DTNA: variants seen among roughly 807,000 people sequenced by gnomAD.
DTNA encodes the protein dystrobrevin alpha.
Under a neutral mutation model 100.7 loss-of-function variants are expected in DTNA, and 43 were observed. The observed-to-expected ratio is 0.43, with a 90% CI of 0.33 to 0.55. DTNA has a LOEUF of 0.55. Ranked by LOEUF, DTNA falls within the 20% of genes least tolerant of loss-of-function variation. The probability of loss-of-function intolerance (pLI) is 0.04; values close to 1 mark genes in which losing one functional copy is unlikely to be tolerated. For synonymous variants in DTNA, 349 were observed against 347.9 expected (o/e 1.00, Z -0.04); for missense variants, 798 against 953.9 (o/e 0.84, Z 2.15).
intron 3 of DTNA, among the ~76,000 whole-genome samples, chr18:34,772,355 A>G (rs2093819101): frequency 6.6e-6 from 1 of 152,144 alleles, no homozygotes; most frequent in African/African-American, 2.4e-5. Context: ...TTTCTATGTT[A>G]CTGTCTCTAA....
intron 17 of DTNA, chr18:34,868,154 CAAAAAAA>C: frequency 5.7e-6 from 1 of 175,764 alleles, no homozygotes; most frequent in Non-Finnish European, 8.2e-6. Context: ...GGCAATGAAG[CAAAAAAA>C]AAAAAAAAAG....
At chr18:34,650,766 C>T (rs1599601593) in intron 1 of DTNA, among the ~76,000 whole-genome samples, 1 of 152,124 alleles carries the variant, frequency 6.6e-6, no homozygotes, top group Non-Finnish European at 1.5e-5. Flanking sequence ...GCTAAAACCA[C>T]ACTTTTTCTA....
In DTNA at chr18:34,829,417, G is replaced by A. The variant is rs935472544; in HGVS notation, c.1103G>A (p.Ser368Asn). The change falls in exon 11 of 23, where the codon AGT becomes AAT. Residue 368 changes from serine (S) to asparagine (N), a missense_variant. By Grantham distance (46) the Ser-to-Asn change is conservative. Coordinates refer to ENST00000444659, the MANE Select transcript of DTNA (RefSeq NM_001386795.1). ...TCCCTCAGGTTACCTGAGGGAATAAGTGCATCCAGCCCTGTGGCTGAAGAG... is the reference window on the plus strand; with the variant it reads ...TCCCTCAGGTTACCTGAGGGAATAAATGCATCCAGCCCTGTGGCTGAAGAG... Reference protein sequence around the residue: ...FITRRLPEGISASSPVAEEHS... With the variant: ...FITRRLPEGINASSPVAEEHS... 4 of 1,535,028 alleles carry A rather than the reference G, an allele frequency of 2.6e-6. No homozygotes were observed. The highest frequency in any genetic ancestry group is 3.4e-4 in the Middle Eastern group (2 of 5,968).
intron 1 of DTNA, among the ~76,000 whole-genome samples, chr18:34,526,207 CAAATG>C (rs1201690990): frequency 6.6e-6 from 1 of 152,108 alleles, no homozygotes; most frequent in Non-Finnish European, 1.5e-5. Flanking sequence ...TTGTTTCACT[CAAATG>C]AAGTGGGAGA....
At chr18:34,501,316 T>A (rs767313659) in intron 1 of DTNA, among the ~76,000 whole-genome samples, 23 of 152,262 alleles carry the variant, frequency 1.5e-4, no homozygotes, top group Non-Finnish European at 2.8e-4. Context: ...AAACTCCATT[T>A]ATTCATTATG....
At chr18:34,671,726 A>G (rs2076781351) in intron 1 of DTNA, among the ~76,000 whole-genome samples, 1 of 152,120 alleles carries the variant, frequency 6.6e-6, no homozygotes, top group Admixed American at 6.5e-5. Context: ...ATCTAGTTTT[A>G]TAAGGTTTTA....
chr18:34,805,130 T>C (rs2095327861), intron 4 of DTNA, among the ~76,000 whole-genome samples: 1 of 152,336 alleles, frequency 6.6e-6, no homozygotes, highest in Middle Eastern at 3.4e-3. Flanking sequence ...ATTACTAATA[T>C]GATACAGTTT....
rs982093112 is a variant in DTNA at position 34,890,242 on chromosome 18, T to C, written c.*2508T>C. The C allele has an allele frequency of 1.5e-5, 23 of 1,510,304 alleles. 1 individual carries two copies. In the South Asian group the frequency reaches 2.9e-4, roughly 19 times the overall value. The allele number at this position is 1,510,304 out of a possible 1,614,324, so 93.6% of individuals were successfully genotyped here. A position where few individuals can be genotyped will look rare whatever the true frequency, so the allele number is the denominator to read the frequency against. ...TCATATAAAGCCATTGCAAGGACTC[T>C]GGAAACTGCCGCCAATGACCAATTT... On this transcript the variant is annotated 3_prime_UTR_variant, in exon 23 of 23. Transcript: ENST00000444659.
chr18:34,802,609 A>G (rs985754021), intron 4 of DTNA, among the ~76,000 whole-genome samples: 5 of 152,346 alleles, frequency 3.3e-5, no homozygotes, highest in African/African-American at 1.2e-4. Context: ...TGCTCAAAAT[A>G]TGGGCTGATA....
At chr18:34,774,610 G>C (rs549766331) in intron 3 of DTNA, among the ~76,000 whole-genome samples, 8 of 152,176 alleles carry the variant, frequency 5.3e-5, no homozygotes, top group Non-Finnish European at 1.0e-4. Context: ...GTACAAAGTG[G>C]ACCATTCAGA....
intron 17 of DTNA, 76 bp downstream of exon 17, chr18:34,864,138 T>A: frequency 7.5e-7 from 1 of 1,333,338 alleles, no homozygotes; most frequent in Non-Finnish European, 1.0e-6. Context: ...TAATGTGCAA[T>A]GGTTTTTCCA....
Position 34,890,276 on chromosome 18 carries a change from C to T in DTNA, c.*2542C>T. The T allele has an allele frequency of 6.5e-7, 1 of 1,528,712 alleles. No individual in the cohort carries two copies. Among genetic ancestry groups the T allele is most frequent in the East Asian group, 2.4e-5 (1 of 40,818 alleles). 94.7% of individuals were successfully genotyped at this position (1,528,712 alleles called of 1,614,324 possible). A position where few individuals can be genotyped will look rare whatever the true frequency, so the allele number is the denominator to read the frequency against. ...CCGCCAATGACCAATTTCTGACTAA[C>T]CAGCCACCTTTTCTCTCTCTTAGCT... On this transcript the variant is annotated 3_prime_UTR_variant, in exon 23 of 23. Transcript: ENST00000444659.
intron 1 of DTNA, among the ~76,000 whole-genome samples, chr18:34,516,215 T>C (rs990308372): frequency 6.6e-6 from 1 of 152,142 alleles, no homozygotes; most frequent in African/African-American, 2.4e-5. Context: ...GGTTCCATGA[T>C]GCCCCTCAAA....
At chr18:34,803,337 G>A (rs188260938) in intron 4 of DTNA, among the ~76,000 whole-genome samples, 115 of 151,738 alleles carry the variant, frequency 7.6e-4, no homozygotes, top group South Asian at 6.0e-3. Context: ...AACCACTGTT[G>A]GATCTAGTAT....
At chr18:34,619,556 A>G (rs2056039235) in intron 1 of DTNA, among the ~76,000 whole-genome samples, 1 of 152,212 alleles carries the variant, frequency 6.6e-6, no homozygotes, top group African/African-American at 2.4e-5. Flanking sequence ...AACATGATTT[A>G]AAGATTGGAT....
At chr18:34,553,729 A>G (rs368268636) in intron 1 of DTNA, among the ~76,000 whole-genome samples, 1 of 151,752 alleles carries the variant, frequency 6.6e-6, no homozygotes, top group Admixed American at 6.6e-5. Context: ...GTTCTGTTCC[A>G]TTGATCTATA....
chr18:34,667,391 T>G (rs2076090499), intron 1 of DTNA, among the ~76,000 whole-genome samples: 1 of 152,226 alleles, frequency 6.6e-6, no homozygotes, highest in Non-Finnish European at 1.5e-5. Context: ...TGACTTCCTC[T>G]TTTCCTAATT....
intron 10 of DTNA, among the ~76,000 whole-genome samples, chr18:34,828,136 C>G (rs148247526): frequency 6.6e-6 from 1 of 152,108 alleles, no homozygotes; most frequent in Non-Finnish European, 1.5e-5. Context: ...AGGATAAAGA[C>G]CAAACTTGGA....
intron 20 of DTNA, 35 bp downstream of exon 20, chr18:34,879,754 A>G: frequency 6.2e-7 from 1 of 1,613,070 alleles, no homozygotes; most frequent in Non-Finnish European, 8.5e-7. Flanking sequence ...TTTTCTCAGT[A>G]ACAAAACAAT....
Sources: gnomAD v4.1 joint callset for allele counts (sites outside exome capture counted in the v4.1 genomes callset) on GRCh38, gnomAD v4.1.1 for gene constraint, MANE v1.5 for transcripts, NCBI Gene and HGNC (gene_info 2026-07-23, HGNC 2026-07-21) for gene names.